TUT4: variants seen among roughly 807,000 people sequenced by gnomAD.
TUT4 encodes terminal uridylyl transferase 4.
In TUT4, 36 loss-of-function variants were observed where a neutral mutation model predicts 192.2. The observed-to-expected ratio is 0.19, with a 90% CI of 0.14 to 0.25. TUT4 has a LOEUF of 0.25. Ranked by LOEUF, TUT4 falls within the 10% of genes least tolerant of loss-of-function variation. TUT4 has a pLI of 1.00. For synonymous variants in TUT4, 618 were observed against 666.0 expected, an observed-to-expected ratio of 0.93 and a Z score of 1.11; for missense variants, 1,493 against 1,957.2, an observed-to-expected ratio of 0.76 and a Z score of 4.47.
chr1:52,445,760 T>C (rs773149209), intron 24 of TUT4, 27 bp downstream of exon 24: 4 of 1,519,468 alleles, frequency 2.6e-6, no homozygotes, highest in Non-Finnish European at 2.7e-6. Context: ...AAAGAAAAGA[T>C]TCACAATTCA....
chr1:52,430,761 A>G (rs1651806578), intron 28 of TUT4, among the ~76,000 whole-genome samples: 1 of 152,212 alleles, frequency 6.6e-6, no homozygotes, highest in African/African-American at 2.4e-5. Flanking sequence ...CATCCCTGTG[A>G]GTTAGATGGC....
intron 28 of TUT4, among the ~76,000 whole-genome samples, chr1:52,426,454 A>T (rs922665078): frequency 3.3e-5 from 5 of 152,152 alleles, no homozygotes; most frequent in African/African-American, 1.2e-4. Context: ...GGCTTTTCTC[A>T]TTCAGAGTCA....
chr1:52,511,363 C>T (rs764601888), intron 3 of TUT4, among the ~76,000 whole-genome samples: 31 of 152,304 alleles, frequency 2.0e-4, no homozygotes, highest in Non-Finnish European at 2.6e-4. Context: ...AAAACAACTA[C>T]TTCTTTACTC....
At chr1:52,461,998 A>G in intron 16 of TUT4, 2 of 354,116 alleles carry the variant, frequency 5.6e-6, no homozygotes, top group South Asian at 4.1e-5. Flanking sequence ...CATAATCTGC[A>G]TTTTAACAGG....
chr1:52,529,150 G>A (rs17365082), intron 1 of TUT4, among the ~76,000 whole-genome samples: 9,328 of 151,798 alleles, frequency 0.061, 310 homozygotes, highest in South Asian at 0.086. Flanking sequence ...AACCACACTA[G>A]ATATGGTGTC....
intron 19 of TUT4, 150 bp downstream of exon 19, chr1:52,460,984 G>A: frequency 2.0e-6 from 1 of 497,006 alleles, no homozygotes; most frequent in South Asian, 4.9e-5. Context: ...ACTCTGATAG[G>A]TATCTATTCA....
intron 4 of TUT4, 133 bp from the exon 5 acceptor site, chr1:52,497,316 A>C: frequency 1.1e-6 from 1 of 896,394 alleles, no homozygotes; most frequent in Non-Finnish European, 1.6e-6. Context: ...AGATACCTAC[A>C]ATACGGAAGT....
chr1:52,431,225 T>C lies in TUT4; in HGVS notation c.4499A>G (p.Gln1500Arg). The C allele has an allele frequency of 6.2e-7, 1 of 1,614,166 alleles. No homozygotes were observed. Among genetic ancestry groups the C allele is most frequent in the South Asian group, 1.1e-5 (1 of 91,090 alleles). Residue 1500 changes from glutamine to arginine, a missense_variant, in exon 28 of 30, where the codon CAG (glutamine) becomes CGG (arginine). Physicochemically the swap from Gln to Arg is conservative, Grantham distance 43. Around this residue, in one of 7 missense-constraint regions of TUT4, gnomAD observed 351 missense variants for 397.8 expected, o/e 0.88. Coordinates refer to ENST00000257177, the MANE Select transcript of TUT4 (RefSeq NM_001009881.3). ...NMGLLPMHPL[Q>R]IPAPSWPIHG... is the part of the protein sequence containing the mutation. Reference sequence around the variant, plus strand: ...GATGGGCCAGGACGGGGCAGGGATCTGGAGAGGGTGCATTGGCAACAATCC... The same window carrying C: ...GATGGGCCAGGACGGGGCAGGGATCCGGAGAGGGTGCATTGGCAACAATCC...
chr1:52,476,722 T>C (rs934135625), intron 12 of TUT4, among the ~76,000 whole-genome samples: 1 of 152,182 alleles, frequency 6.6e-6, no homozygotes, highest in African/African-American at 2.4e-5. Context: ...ATTTACTATA[T>C]ATAAGAGTAC....
At chr1:52,523,997 A>G (rs1195959947) in intron 2 of TUT4, among the ~76,000 whole-genome samples, 1 of 152,248 alleles carries the variant, frequency 6.6e-6, no homozygotes, top group Non-Finnish European at 1.5e-5. Flanking sequence ...AAAAGATTAT[A>G]AAAGAAATTA....
rs778959848 is a variant in TUT4 at position 52,509,715 on chromosome 1, G to A, written c.883-3C>T. 2.5e-6 allele frequency: 4 copies of A among 1,572,864 alleles called. No homozygotes were observed. Among genetic ancestry groups the A allele is most frequent in the Non-Finnish European group, 3.5e-6 (4 of 1,144,396 alleles). The stretch of plus-strand genomic sequence containing the variant: ...CAATTGGTATATTCTGGTGATCGCT[G>A]AAGAGACAAATTTTAAAAATGCACT... On this transcript the variant is annotated splice_polypyrimidine_tract_variant and splice_region_variant and intron_variant, in intron 3 of 29. Transcript: ENST00000257177.
chr1:52,483,386 A>G (rs1006413125), intron 9 of TUT4, among the ~76,000 whole-genome samples: 1 of 151,816 alleles, frequency 6.6e-6, no homozygotes. Flanking sequence ...TTTTCTTTTG[A>G]TATTATTTAT....
chr1:52,490,751 C>G lies in TUT4; in HGVS notation c.1369G>C (p.Val457Leu). The G allele has an allele frequency of 6.2e-7, 1 of 1,612,216 alleles. No individual in the cohort carries two copies. The highest frequency in any genetic ancestry group is 1.1e-5 in the South Asian group (1 of 90,674). Residue 457 changes from valine (V) to leucine (L), a missense_variant, in exon 8 of 30, where the codon GTG (valine) becomes CTG (leucine). By Grantham distance (32) the Val-to-Leu change is conservative. Coordinates refer to ENST00000257177, the MANE Select transcript of TUT4 (RefSeq NM_001009881.3). ...SDFHAKVPVVVCRDRKSGLLC... is the reference protein window; with the variant it reads ...SDFHAKVPVVLCRDRKSGLLC... Reference sequence around the variant, plus strand: ...ACCAACCTTTTTCGATCTCTGCACACCACAACAGGAACTTTAGCGTGAAAA... The same window carrying G: ...ACCAACCTTTTTCGATCTCTGCACAGCACAACAGGAACTTTAGCGTGAAAA...
chr1:52,452,636 T>A (rs1011182525), intron 20 of TUT4, among the ~76,000 whole-genome samples: 2 of 152,216 alleles, frequency 1.3e-5, no homozygotes. Flanking sequence ...GCTGAACACA[T>A]GGAGGTTCCT....
At chr1:52,448,327 CCT>C (rs1321447258) in intron 20 of TUT4, among the ~76,000 whole-genome samples, 3 of 152,104 alleles carry the variant, frequency 2.0e-5, no homozygotes, top group Non-Finnish European at 4.4e-5. Flanking sequence ...GTGGCTCATG[CCT>C]GTAATCCCAG....
chr1:52,431,042 A>G lies in TUT4; in HGVS notation c.4682T>C (p.Leu1561Pro). 1 of 1,600,482 alleles carries G rather than the reference A, an allele frequency of 6.2e-7. No individual in the cohort carries two copies. ...HWPRTVAPNSLVNSGAVGNSE... is the reference protein window; with the variant it reads ...HWPRTVAPNSPVNSGAVGNSE... ...ATTCCCCACTGCACCACTGTTTACC[A>G]GGGAATTTGGAGCCACAGTACGGGG... Residue 1561 changes from leucine (L) to proline (P), a missense_variant, in exon 28 of 30, where the codon CTG becomes CCG. By Grantham distance (98) the Leu-to-Pro change is moderately conservative. Around this residue, in one of 7 missense-constraint regions of TUT4, gnomAD observed 351 missense variants for 397.8 expected, o/e 0.88. Transcript: ENST00000257177.
chr1:52,436,001 CTT>C (rs946148264), intron 26 of TUT4, among the ~76,000 whole-genome samples: 24 of 152,164 alleles, frequency 1.6e-4, no homozygotes, highest in Admixed American at 9.2e-4. Flanking sequence ...AAAATGTTCT[CTT>C]ATTTTTTTTT....
Position 52,499,067 on chromosome 1 carries a change from A to G in TUT4, c.1000-1884T>C, listed in dbSNP as rs371437203. On this transcript the variant is annotated intron_variant, in intron 4 of 29. Transcript: ENST00000257177. The stretch of plus-strand genomic sequence containing the variant: ...CAAAGAACAAAGCTGGAGGATTCAC[A>G]CTTACTGGCTGCAAAACGTACTACA... Among the ~76,000 whole-genome samples, 8 of 150,944 alleles carry G rather than the reference A, an allele frequency of 5.3e-5. No homozygotes were observed. The South Asian group carries it at 1.7e-3, about 32-fold the overall frequency.
rs767852015 is a variant in TUT4 at position 52,497,126 on chromosome 1, C to A, written c.1057G>T (p.Ala353Ser). The stretch of plus-strand genomic sequence containing the variant: ...TCAATGACTGCAACACTTAAAGCAG[C>A]CAAGTGGGCAGGGGAAGGAGGTGGC... ...SLPPPSPAHL[A>S]ALSVAVIELA... is the part of the protein sequence containing the mutation. The change falls in exon 5 of 30, where the codon GCT becomes TCT. Residue 353 changes from alanine to serine, a missense_variant. By Grantham distance (99) the Ala-to-Ser change is moderately conservative. Around this residue, in one of 7 missense-constraint regions of TUT4, gnomAD observed 437 missense variants for 577.6 expected, o/e 0.76. Coordinates refer to ENST00000257177, the MANE Select transcript of TUT4 (RefSeq NM_001009881.3). 9.3e-6 allele frequency: 15 copies of A among 1,613,462 alleles called. No homozygotes were observed. The highest frequency in any genetic ancestry group is 1.3e-5 in the Non-Finnish European group (15 of 1,179,798).
Sources: gnomAD v4.1 joint callset for allele counts (sites outside exome capture counted in the v4.1 genomes callset) on GRCh38, gnomAD v4.1.1 for gene constraint, gnomAD v4.1.1 regional missense constraint, MANE v1.5 for transcripts, NCBI Gene and HGNC (gene_info 2026-07-23, HGNC 2026-07-21) for gene names.